TSPEAR: variants seen among roughly 807,000 people sequenced by gnomAD.
The protein encoded by TSPEAR is thrombospondin type laminin G domain and EAR repeats, also known as thrombospondin-type laminin G domain and EAR repeat-containing protein.
A neutral mutation model predicts 71.6 loss-of-function variants in TSPEAR; 69 were observed. The observed-to-expected ratio is 0.96, with a 90% confidence interval of 0.79 to 1.18. The LOEUF (loss-of-function observed/expected upper bound fraction) is 1.18. Among genes scored for constraint, TSPEAR ranks in the 50% most tolerant of loss-of-function variants. The pLI is 0.00. For missense variants in TSPEAR, 971 were observed against 894.9 expected, an observed-to-expected ratio of 1.09 and a Z score of -1.09; for synonymous variants, 402 against 387.2, an observed-to-expected ratio of 1.04 and a Z score of -0.45.
At chr21:44,613,702 A>G (rs1555931778) in intron 1 of TSPEAR, among the ~76,000 whole-genome samples, 1 of 152,136 alleles carries the variant, frequency 6.6e-6, no homozygotes, top group Non-Finnish European at 1.5e-5. Context: ...GGGTGGAGGG[A>G]CACACAGGAT....
In TSPEAR at chr21:44,568,112, C is replaced by T. The variant is rs1458771568; in HGVS notation, c.83-107G>A. Reference sequence around the variant, plus strand: ...TCAGCGTGGCAGGCACTTTACATAGCACTATAGCCCCTATGAGCTGTGAAC... The same window carrying T: ...TCAGCGTGGCAGGCACTTTACATAGTACTATAGCCCCTATGAGCTGTGAAC... On this transcript the variant is annotated intron_variant, in intron 1 of 11. Transcript: ENST00000323084. The T allele has an allele frequency of 1.5e-5, 11 of 718,846 alleles. No homozygotes were observed. The South Asian group carries it at 2.6e-4, about 17-fold the overall frequency. 44.5% of individuals were successfully genotyped at this position (718,846 alleles called of 1,614,324 possible).
At chr21:44,700,506 A>T (rs905000973) in intron 1 of TSPEAR, among the ~76,000 whole-genome samples, 4 of 152,154 alleles carry the variant, frequency 2.6e-5, no homozygotes, top group Non-Finnish European at 5.9e-5. Flanking sequence ...AACAGCACAC[A>T]GTGAGAGGGG....
At position 44,651,975 on chromosome 21, in the gene TSPEAR, CTT is replaced by C. The variant is rs782804556; in HGVS notation, c.82+59456_82+59457del. Among the ~76,000 whole-genome samples, 654 of 134,874 alleles carry C rather than the reference CTT, an allele frequency of 4.8e-3. 8 individuals carry two copies. Among genetic ancestry groups the C allele is most frequent in the Middle Eastern group, 0.019 (5 of 262 alleles). The allele number at this position is 134,874 out of a possible 152,430, so 88.5% of individuals were successfully genotyped here. On this transcript the variant is annotated intron_variant, in intron 1 of 11. Transcript: ENST00000323084. The stretch of plus-strand genomic sequence containing the variant: ...GCCTCAGTAAGACTTCTGAATAAAA[CTT>C]TCTTTTTTTTTTTTTTTTTTTTTTG...
chr21:44,702,286 T>C, intron 1 of TSPEAR: 1 of 1,609,252 alleles, frequency 6.2e-7, no homozygotes, highest in Non-Finnish European at 8.5e-7. Flanking sequence ...CGAGCCCCCC[T>C]GCTGCGCCGC....
intron 2 of TSPEAR, 80 bp from the exon 3 acceptor site, chr21:44,534,003 G>T (rs992424918): frequency 9.6e-7 from 1 of 1,040,318 alleles, no homozygotes; most frequent in Non-Finnish European, 1.4e-6. Context: ...GAATGGCAGA[G>T]GTGATGAGCA....
At position 44,532,297 on chromosome 21, in the gene TSPEAR, C is replaced by T. The variant is rs587761824; in HGVS notation, c.543-1164G>A. On this transcript the variant is annotated intron_variant, in intron 3 of 11. Coordinates refer to ENST00000323084, the MANE Select transcript of TSPEAR (RefSeq NM_144991.3). ...CCTGATGAGGCAGGTGAACGTTTGT[C>T]CAGGCCTCAGGCGCTGCCGCCACGT... Among the ~76,000 whole-genome samples the T allele has an allele frequency of 2.6e-5, 4 of 152,376 alleles. No homozygotes were observed. The East Asian group carries it at 7.7e-4, about 29-fold the overall frequency.
Position 44,676,090 on chromosome 21 carries a change from T to C in TSPEAR, c.82+35343A>G, listed in dbSNP as rs139198612. On this transcript the variant is annotated intron_variant, in intron 1 of 11. Coordinates refer to ENST00000323084, the MANE Select transcript of TSPEAR (RefSeq NM_144991.3). The stretch of plus-strand genomic sequence containing the variant: ...CATATGACAGTAATTTAAACGTGTT[T>C]ATATCTTCAGATCAGAGCTCTGCAG... 5 of 876,838 alleles carry C rather than the reference T, an allele frequency of 5.7e-6. No homozygotes were observed. The African/African-American group carries it at 8.2e-5, about 14-fold the overall frequency. 54.3% of individuals were successfully genotyped at this position (876,838 alleles called of 1,614,324 possible).
intron 1 of TSPEAR, chr21:44,676,484 C>G: frequency 4.5e-6 from 4 of 890,512 alleles, no homozygotes; most frequent in Non-Finnish European, 5.6e-6. Flanking sequence ...TGACTCTGAA[C>G]AGCGTGTTCG....
intron 1 of TSPEAR, chr21:44,601,847 A>C: frequency 7.1e-7 from 1 of 1,415,944 alleles, no homozygotes; most frequent in Non-Finnish European, 9.5e-7. Flanking sequence ...AGTGGACGTC[A>C]GTGGTCAGCT....
chr21:44,522,351 C>T (rs587594754), intron 8 of TSPEAR, among the ~76,000 whole-genome samples: 4 of 152,336 alleles, frequency 2.6e-5, no homozygotes, highest in South Asian at 2.1e-4. Context: ...TGGCCCCCAC[C>T]GCCCTTGGGA....
At chr21:44,635,235 A>T (rs1983476736) in intron 1 of TSPEAR, among the ~76,000 whole-genome samples, 1 of 150,836 alleles carries the variant, frequency 6.6e-6, no homozygotes, top group Non-Finnish European at 1.5e-5. Context: ...AATCCCAGCT[A>T]CTTGGGAGGC....
intron 1 of TSPEAR, among the ~76,000 whole-genome samples, chr21:44,597,799 C>G (rs1433813216): frequency 6.6e-6 from 1 of 152,084 alleles, no homozygotes; most frequent in Non-Finnish European, 1.5e-5. Flanking sequence ...ACTTTTTATT[C>G]AGACCAACAA....
Position 44,511,949 on chromosome 21 carries a change from G to T in TSPEAR, c.1567-2563C>A, listed in dbSNP as rs980729990. 6.8e-4 allele frequency among the ~76,000 whole-genome samples: 104 copies of T among 152,254 alleles called. 1 individual carries two copies. The highest frequency in any genetic ancestry group is 1.6e-4 in the Non-Finnish European group (11 of 68,048). On this transcript the variant is annotated intron_variant, in intron 9 of 11. Transcript: ENST00000323084. ...TGAGGTGCCCTCCCTGCCCAAAGGA[G>T]CCCTGGAACGGGCTGCTGCAGATGG...
chr21:44,705,776 G>A (rs1294870349), intron 1 of TSPEAR, among the ~76,000 whole-genome samples: 6 of 152,144 alleles, frequency 3.9e-5, no homozygotes, highest in African/African-American at 1.2e-4. Flanking sequence ...TTTTAATTTC[G>A]CCTTGGAGCT....
At chr21:44,604,414 A>G (rs759625964) in intron 1 of TSPEAR, among the ~76,000 whole-genome samples, 1 of 152,238 alleles carries the variant, frequency 6.6e-6, no homozygotes, top group African/African-American at 2.4e-5. Context: ...AAATCACAGG[A>G]TAAGATAGCC....
chr21:44,528,309 C>T (rs2052897634), intron 6 of TSPEAR, 143 bp downstream of exon 6: 4 of 1,200,412 alleles, frequency 3.3e-6, no homozygotes, highest in African/African-American at 1.5e-5. Context: ...CTGCCTCTCA[C>T]TCTTAGAAGT....
At chr21:44,655,291 T>G (rs1985078219) in intron 1 of TSPEAR, among the ~76,000 whole-genome samples, 1 of 152,164 alleles carries the variant, frequency 6.6e-6, no homozygotes, top group Non-Finnish European at 1.5e-5. Flanking sequence ...CACTCTGGGA[T>G]CCATGGTCGT....
chr21:44,567,325 G>A (rs782452500), intron 2 of TSPEAR, among the ~76,000 whole-genome samples: 1 of 145,816 alleles, frequency 6.9e-6, no homozygotes, highest in African/African-American at 2.5e-5. Flanking sequence ...CAGATATGAC[G>A]TGCACTGTCC....
chr21:44,566,200 C>T (rs778770049), intron 2 of TSPEAR, among the ~76,000 whole-genome samples: 6 of 151,862 alleles, frequency 4.0e-5, no homozygotes, highest in Non-Finnish European at 7.4e-5. Flanking sequence ...AAATAAATAA[C>T]GGTATTTCTA....
Sources: allele counts gnomAD v4.1 joint callset (sites outside exome capture counted in the v4.1 genomes callset), GRCh38; gene constraint gnomAD v4.1.1; transcripts MANE v1.5; gene names NCBI Gene and HGNC (gene_info 2026-07-23, HGNC 2026-07-21).